The following ESRRG variants were observed in gnomAD, a reference collection of about 807,000 sequenced individuals.
The protein encoded by ESRRG is estrogen-related receptor gamma.
ESRRG carries 13 observed loss-of-function variants against 44.0 expected under a neutral mutation model. That is an observed-to-expected ratio of 0.30 (90% CI 0.19 to 0.47). The LOEUF is 0.47. ESRRG is among the 20% of genes least tolerant of loss of function. The pLI is 1.00. For missense variants in ESRRG, 395 were observed against 580.6 expected (o/e 0.68, Z 3.29); for synonymous variants, 215 against 214.6 (o/e 1.00, Z -0.02).
At chr1:217,104,195 G>A (rs1371953250) in intron 1 of ESRRG, among the ~76,000 whole-genome samples, 1 of 152,180 alleles carries the variant, frequency 6.6e-6, no homozygotes, top group South Asian at 2.1e-4. Context: ...TCAAAGATGG[G>A]ACTGTCTTTG....
At chr1:217,043,568 A>T (rs1328963331) in intron 1 of ESRRG, among the ~76,000 whole-genome samples, 1 of 152,184 alleles carries the variant, frequency 6.6e-6, no homozygotes, top group African/African-American at 2.4e-5. Flanking sequence ...TCTTAACCAG[A>T]ATTTTAAATT....
At chr1:217,131,664 A>G (rs139490104) in intron 1 of ESRRG, among the ~76,000 whole-genome samples, 1 of 152,242 alleles carries the variant, frequency 6.6e-6, no homozygotes, top group East Asian at 1.9e-4. Context: ...ATACGTATTC[A>G]GTGGTCAACT....
At chr1:216,739,420 G>T (rs940844429) in intron 2 of ESRRG, among the ~76,000 whole-genome samples, 3 of 152,146 alleles carry the variant, frequency 2.0e-5, no homozygotes, top group Non-Finnish European at 4.4e-5. Context: ...TCTATTTGAG[G>T]TTAACAGTGA....
chr1:216,784,993 G>A (rs1163684632), intron 2 of ESRRG, among the ~76,000 whole-genome samples: 2 of 151,730 alleles, frequency 1.3e-5, no homozygotes, highest in African/African-American at 2.4e-5. Flanking sequence ...TGTTCCCTCC[G>A]AGACGATGGT....
intron 1 of ESRRG, among the ~76,000 whole-genome samples, chr1:216,683,191 A>C (rs1266238315): frequency 6.6e-6 from 1 of 152,176 alleles, no homozygotes; most frequent in Non-Finnish European, 1.5e-5. Flanking sequence ...TTTTTCTTTT[A>C]ATAAGAAATA....
Position 216,523,490 on chromosome 1 carries a change from G to GTT in ESRRG, c.863-4071_863-4070dup, listed in dbSNP as rs749747909. ...GTGCCATGGGCACTCATCAAGCACT[G>GTT]TTTTTTTTTTTGTTTTTTTTTTTTT... On this transcript the variant is annotated intron_variant, in intron 5 of 6. Coordinates refer to ENST00000408911, the MANE Select transcript of ESRRG (RefSeq NM_001438.4). Among the ~76,000 whole-genome samples the GTT allele has an allele frequency of 3.2e-4, 40 of 126,348 alleles. 1 individual carries two copies. The highest frequency in any genetic ancestry group is 4.3e-4 in the Non-Finnish European group (26 of 60,204). The allele number at this position is 126,348 out of a possible 152,430, so 82.9% of individuals were successfully genotyped here.
At chr1:216,551,909 G>A (rs531949382) in intron 5 of ESRRG, among the ~76,000 whole-genome samples, 147 of 152,100 alleles carry the variant, frequency 9.7e-4, no homozygotes, top group African/African-American at 3.4e-3. Context: ...CCAAACTCTC[G>A]GCCACTTGGG....
At chr1:217,052,808 G>A (rs2086287118) in intron 1 of ESRRG, among the ~76,000 whole-genome samples, 1 of 152,120 alleles carries the variant, frequency 6.6e-6, no homozygotes, top group African/African-American at 2.4e-5. Context: ...TGGTTTCTCC[G>A]AGGCAGTCTG....
At chr1:216,676,207 T>A (rs1336412885) in intron 2 of ESRRG, among the ~76,000 whole-genome samples, 1 of 152,206 alleles carries the variant, frequency 6.6e-6, no homozygotes, top group African/African-American at 2.4e-5. Flanking sequence ...AGCTTTTTCA[T>A]GAACTGAATT....
chr1:216,883,713 C>A (rs1419563984), intron 2 of ESRRG, among the ~76,000 whole-genome samples: 1 of 152,158 alleles, frequency 6.6e-6, no homozygotes, highest in Non-Finnish European at 1.5e-5. Context: ...AACTAATACA[C>A]CCCCTAATGG....
intron 1 of ESRRG, among the ~76,000 whole-genome samples, chr1:216,692,203 G>A (rs529634870): frequency 6.6e-6 from 1 of 152,108 alleles, no homozygotes; most frequent in East Asian, 1.9e-4. Flanking sequence ...CATAGGAGAT[G>A]AAAGCTTCAT....
intron 2 of ESRRG, among the ~76,000 whole-genome samples, chr1:216,733,944 C>A (rs894962273): frequency 6.7e-6 from 1 of 148,340 alleles, no homozygotes; most frequent in Non-Finnish European, 1.5e-5. Flanking sequence ...GGTCGCGCCA[C>A]TGCACTCCAG....
intron 1 of ESRRG, among the ~76,000 whole-genome samples, chr1:216,712,665 G>A (rs2083882172): frequency 6.6e-6 from 1 of 152,134 alleles, no homozygotes. Flanking sequence ...CCTCGGGCAG[G>A]AATTTTTATT....
At chr1:217,057,443 A>C (rs2087363318) in intron 1 of ESRRG, among the ~76,000 whole-genome samples, 1 of 152,216 alleles carries the variant, frequency 6.6e-6, no homozygotes, top group African/African-American at 2.4e-5. Context: ...TTATAAAAGC[A>C]TGCTGAAAGC....
At chr1:217,092,933 C>A (rs2092369895), upstream of ESRRG, among the ~76,000 whole-genome samples, 1 of 151,402 alleles carries the variant, frequency 6.6e-6, no homozygotes, top group African/African-American at 2.4e-5. Context: ...TTTAGACAGT[C>A]CCTAGAAAAC....
intron 1 of ESRRG, among the ~76,000 whole-genome samples, chr1:217,026,965 T>A (rs1311133109): frequency 7.1e-6 from 1 of 140,958 alleles, no homozygotes; most frequent in Non-Finnish European, 1.5e-5. Context: ...CAGTCTAGGG[T>A]ATCATGGTTT....
chr1:216,897,164 G>A (rs1435398401), intron 2 of ESRRG, among the ~76,000 whole-genome samples: 6 of 152,098 alleles, frequency 3.9e-5, no homozygotes, highest in Non-Finnish European at 8.8e-5. Context: ...GAATGAGGAG[G>A]AAAGAAAATG....
At chr1:216,507,345 T>G (rs992230907) in intron 6 of ESRRG, among the ~76,000 whole-genome samples, 162 bp from the exon 7 acceptor site, 1 of 152,192 alleles carries the variant, frequency 6.6e-6, no homozygotes, top group African/African-American at 2.4e-5. Context: ...TCTATTTCTT[T>G]CCAAATTTCC....
chr1:216,545,671 A>G (rs1449508911), intron 5 of ESRRG, among the ~76,000 whole-genome samples: 1 of 152,072 alleles, frequency 6.6e-6, no homozygotes, highest in Non-Finnish European at 1.5e-5. Context: ...GTTAAAATGC[A>G]TGCTGTTTAC....
Sources: gnomAD v4.1 joint callset for allele counts (sites outside exome capture counted in the v4.1 genomes callset) on GRCh38, gnomAD v4.1.1 for gene constraint, MANE v1.5 for transcripts, NCBI Gene and HGNC (gene_info 2026-07-23, HGNC 2026-07-21) for gene names.